Variants in PDZRN4 observed in about 807,000 individuals in gnomAD.
PDZRN4 encodes PDZ domain-containing RING finger protein 4.
In PDZRN4, 70 loss-of-function variants were observed where a neutral mutation model predicts 99.0. The observed-to-expected ratio is 0.71, with a 90% CI of 0.58 to 0.86. The LOEUF is 0.86. Among genes scored for constraint, PDZRN4 ranks in the 40% least tolerant of loss-of-function variants. PDZRN4 has a pLI of 0.00. For missense variants in PDZRN4, 1,474 were observed against 1,331.2 expected (o/e 1.11, Z -1.67); for synonymous variants, 551 against 501.6 (o/e 1.10, Z -1.32).
chr12:41,199,569 C>T (rs1286914742), intron 3 of PDZRN4, among the ~76,000 whole-genome samples: 1 of 152,156 alleles, frequency 6.6e-6, no homozygotes, highest in African/African-American at 2.4e-5. Context: ...ATGTTTATTG[C>T]AGCACCATTC....
At chr12:41,368,634 A>C (rs532777352) in intron 3 of PDZRN4, among the ~76,000 whole-genome samples, 1 of 152,120 alleles carries the variant, frequency 6.6e-6, no homozygotes, top group Admixed American at 6.6e-5. Flanking sequence ...CTCACCTCTA[A>C]GTTTTTTGGG....
intron 3 of PDZRN4, among the ~76,000 whole-genome samples, chr12:41,390,209 G>C (rs1250832349): frequency 6.6e-6 from 1 of 152,076 alleles, no homozygotes; most frequent in African/African-American, 2.4e-5. Flanking sequence ...AAGAGCAGGA[G>C]TAATTAAGTA....
At chr12:41,446,249 A>ATTTATTTATTTATTTATTTG (rs1952727610) in intron 3 of PDZRN4, among the ~76,000 whole-genome samples, 1 of 150,424 alleles carries the variant, frequency 6.6e-6, no homozygotes, top group Admixed American at 6.6e-5. Flanking sequence ...GTAGGGCTTT[A>ATTTATTTATTTATTTATTTG]TTTATTTATT....
At chr12:41,292,940 G>A (rs926139894) in intron 3 of PDZRN4, among the ~76,000 whole-genome samples, 4 of 151,608 alleles carry the variant, frequency 2.6e-5, no homozygotes, top group Non-Finnish European at 5.9e-5. Context: ...AGCTCTCTTA[G>A]GAGGCTCTTT....
At position 41,572,373 on chromosome 12, in the gene PDZRN4, C is replaced by CAAG. The variant is rs199717682; in HGVS notation, c.1607_1609dup (p.Glu536dup). On this transcript the variant is annotated inframe_insertion, in exon 10 of 10. Transcript: ENST00000402685. Reference sequence around the variant, plus strand: ...AACATCATTTTCTTAGCCAAAAAAGCAAGAAGAAGAAGAAGGCACAACAGA... The same window carrying CAAG: ...AACATCATTTTCTTAGCCAAAAAAGCAAGAAGAAGAAGAAGAAGGCACAACAGA... The CAAG allele has an allele frequency of 2.5e-6, 4 of 1,590,216 alleles. No homozygotes were observed. Among genetic ancestry groups the CAAG allele is most frequent in the African/African-American group, 1.4e-5 (1 of 73,358 alleles).
intron 3 of PDZRN4, among the ~76,000 whole-genome samples, chr12:41,461,550 T>C (rs929988429): frequency 1.3e-5 from 2 of 152,216 alleles, no homozygotes; most frequent in South Asian, 2.1e-4. Flanking sequence ...CACACCTCCA[T>C]GCGTTATTCC....
In PDZRN4 at chr12:41,297,211, A is replaced by G. The variant is rs189740719; in HGVS notation, c.843+103023A>G. 4.2e-4 allele frequency among the ~76,000 whole-genome samples: 64 copies of G among 152,296 alleles called. No homozygotes were observed. The East Asian group carries it at 0.011, about 27-fold the overall frequency. On this transcript the variant is annotated intron_variant, in intron 3 of 9. Coordinates refer to ENST00000402685, the MANE Select transcript of PDZRN4 (RefSeq NM_001164595.2). ...AAACTTTTTGAAGTCCCCTTGTATA[A>G]CAAACCAAAATATATCATACTTTTG...
At chr12:41,402,961 A>G (rs1350454004) in intron 3 of PDZRN4, among the ~76,000 whole-genome samples, 1 of 152,056 alleles carries the variant, frequency 6.6e-6, no homozygotes, top group East Asian at 1.9e-4. Context: ...ATATTTCATG[A>G]TAACTTAGAT....
Position 41,272,804 on chromosome 12 carries a change from C to T in PDZRN4, c.843+78616C>T, listed in dbSNP as rs182754738. ...CTTAGAAAGTGCTTTGTTTTCTTTC[C>T]CCTTTGTGGCATCGAATTGTCAATT... is the stretch of plus-strand genomic sequence containing the variant. On this transcript the variant is annotated intron_variant, in intron 3 of 9. Coordinates refer to ENST00000402685, the MANE Select transcript of PDZRN4 (RefSeq NM_001164595.2). Among the ~76,000 whole-genome samples the T allele has an allele frequency of 8.6e-5, 13 of 151,718 alleles. No individual in the cohort carries two copies. The East Asian group carries it at 1.7e-3, about 20-fold the overall frequency.
intron 3 of PDZRN4, among the ~76,000 whole-genome samples, chr12:41,482,114 A>G (rs1937682376): frequency 6.6e-6 from 1 of 152,128 alleles, no homozygotes; most frequent in Admixed American, 6.6e-5. Context: ...CTGATGTCTG[A>G]CCATTGGGTT....
At chr12:41,537,802 G>C (rs2120757825) in intron 5 of PDZRN4, among the ~76,000 whole-genome samples, 1 of 152,228 alleles carries the variant, frequency 6.6e-6, no homozygotes, top group South Asian at 2.1e-4. Flanking sequence ...CTGAAGAGAA[G>C]ACCTAAACCT....
chr12:41,406,764 A>G (rs994375296), intron 3 of PDZRN4, among the ~76,000 whole-genome samples: 11 of 149,736 alleles, frequency 7.3e-5, no homozygotes, highest in African/African-American at 2.5e-4. Context: ...AGGCTGAGGC[A>G]GGAGAATCGT....
At chr12:41,475,741 T>C (rs954086741) in intron 3 of PDZRN4, among the ~76,000 whole-genome samples, 1 of 152,226 alleles carries the variant, frequency 6.6e-6, no homozygotes, top group Non-Finnish European at 1.5e-5. Context: ...TAATTCCTTT[T>C]GTATGCATGT....
At chr12:41,387,574 A>C (rs962146312) in intron 3 of PDZRN4, among the ~76,000 whole-genome samples, 2 of 152,200 alleles carry the variant, frequency 1.3e-5, no homozygotes, top group African/African-American at 2.4e-5. Context: ...CCTGGGTGAC[A>C]GAGCAAGACT....
chr12:41,342,685 A>G (rs189984416), intron 3 of PDZRN4, among the ~76,000 whole-genome samples: 48 of 152,126 alleles, frequency 3.2e-4, no homozygotes, highest in Non-Finnish European at 6.8e-4. Flanking sequence ...TAGAATGGCT[A>G]CTATCAAAAA....
chr12:41,315,206 G>A (rs1008860285), intron 3 of PDZRN4, among the ~76,000 whole-genome samples: 1 of 152,124 alleles, frequency 6.6e-6, no homozygotes, highest in Non-Finnish European at 1.5e-5. Context: ...GACATTTTAT[G>A]AACTCTACTT....
chr12:41,522,126 G>A (rs1938503097), intron 5 of PDZRN4, among the ~76,000 whole-genome samples: 1 of 152,138 alleles, frequency 6.6e-6, no homozygotes, highest in African/African-American at 2.4e-5. Flanking sequence ...AGCAAAGGTT[G>A]TAAATATGCT....
intron 3 of PDZRN4, among the ~76,000 whole-genome samples, chr12:41,396,069 A>T (rs890635037): frequency 1.1e-4 from 16 of 152,040 alleles, no homozygotes; most frequent in Admixed American, 2.6e-4. Flanking sequence ...GCTGCATTTT[A>T]CTATAAACAG....
intron 3 of PDZRN4, among the ~76,000 whole-genome samples, chr12:41,368,044 T>C (rs1293937245): frequency 6.6e-6 from 1 of 152,082 alleles, no homozygotes; most frequent in Non-Finnish European, 1.5e-5. Context: ...CCTCCCTATC[T>C]AATTAGCAGG....
Sources: allele counts gnomAD v4.1 joint callset (sites outside exome capture counted in the v4.1 genomes callset), GRCh38; gene constraint gnomAD v4.1.1; transcripts MANE v1.5; gene names NCBI Gene and HGNC (gene_info 2026-07-23, HGNC 2026-07-21).